The following JARID2 variants were observed in gnomAD, a reference collection of about 807,000 sequenced individuals.
JARID2 encodes the protein jumonji and AT-rich interaction domain containing 2, also known as protein Jumonji.
A neutral mutation model predicts 125.6 loss-of-function variants in JARID2; 21 were observed. That is an observed-to-expected ratio of 0.17 (90% confidence interval 0.12 to 0.24). JARID2 has a LOEUF of 0.24. Among genes scored for constraint, JARID2 ranks in the 10% least tolerant of loss-of-function variants. The pLI, the probability that JARID2 is intolerant of heterozygous loss-of-function variation, is 1.00. For synonymous variants in JARID2, 736 were observed against 661.6 expected, an observed-to-expected ratio of 1.11 and a Z score of -1.73; for missense variants, 1,303 against 1,639.6, an observed-to-expected ratio of 0.79 and a Z score of 3.55.
chr6:15,459,779 A>G (rs1224995690), intron 4 of JARID2, among the ~76,000 whole-genome samples: 1 of 152,204 alleles, frequency 6.6e-6, no homozygotes, highest in Non-Finnish European at 1.5e-5. Flanking sequence ...AGGATTTCTA[A>G]GTAGGGCAAA....
chr6:15,298,573 G>A (rs540439346), intron 1 of JARID2, among the ~76,000 whole-genome samples: 5 of 151,876 alleles, frequency 3.3e-5, no homozygotes, highest in South Asian at 2.1e-4. Context: ...CCAGCTACCC[G>A]GGAGGCTGAG....
At chr6:15,508,287 G>T in intron 11 of JARID2, 53 bp from the exon 12 acceptor site, 1 of 880,122 alleles carries the variant, frequency 1.1e-6, no homozygotes, top group South Asian at 1.3e-5. Context: ...CTGTTCCTTT[G>T]AGACCTTGTT....
chr6:15,428,655 TAGCACTTTGAG>T (rs1178060432), intron 3 of JARID2, among the ~76,000 whole-genome samples: 1 of 152,148 alleles, frequency 6.6e-6, no homozygotes. Flanking sequence ...CCTGTAATCC[TAGCACTTTGAG>T]AGGCCAAGAC....
At chr6:15,327,091 ACGG>A (rs747403973) in intron 1 of JARID2, among the ~76,000 whole-genome samples, 75 of 152,322 alleles carry the variant, frequency 4.9e-4, no homozygotes, top group Middle Eastern at 3.4e-3. Flanking sequence ...GACCTGAAAC[ACGG>A]CTGATGGGTT....
rs114763909 is a variant in JARID2, at chr6:15,507,309, C to T, written c.2661-37C>T. The T allele has an allele frequency of 2.0e-4, 318 of 1,607,750 alleles. No homozygotes were observed. In the African/African-American group the frequency reaches 3.0e-3, roughly 15 times the overall value. ...TGGGGATGTGACTGCATCCTTTCCCCGCCAGTTTGTAACGTCCCTCGTCTT... is the reference window on the plus strand; with the variant it reads ...TGGGGATGTGACTGCATCCTTTCCCTGCCAGTTTGTAACGTCCCTCGTCTT... On this transcript the variant is annotated intron_variant, in intron 10 of 17. Coordinates refer to ENST00000341776, the MANE Select transcript of JARID2 (RefSeq NM_004973.4).
intron 1 of JARID2, among the ~76,000 whole-genome samples, chr6:15,349,050 G>A (rs1415037471): frequency 1.3e-5 from 2 of 152,194 alleles, no homozygotes; most frequent in African/African-American, 4.8e-5. Flanking sequence ...TGTTTTCACT[G>A]AGATTCCTGA....
chr6:15,451,282 G>A (rs904341191), intron 3 of JARID2, among the ~76,000 whole-genome samples: 1 of 152,248 alleles, frequency 6.6e-6, no homozygotes, highest in Non-Finnish European at 1.5e-5. Context: ...AAGTTAGGGA[G>A]TTAGCATAGG....
intron 2 of JARID2, among the ~76,000 whole-genome samples, chr6:15,395,815 C>CTTTGTACAGGGTA (rs1765199909): frequency 6.6e-6 from 1 of 152,018 alleles, no homozygotes; most frequent in African/African-American, 2.4e-5. Flanking sequence ...CAGGTGTGCA[C>CTTTGTACAGGGTA]CACCATGCCT....
At chr6:15,313,351 G>A (rs1187499048) in intron 1 of JARID2, among the ~76,000 whole-genome samples, 1 of 152,220 alleles carries the variant, frequency 6.6e-6, no homozygotes, top group Non-Finnish European at 1.5e-5. Context: ...CTGAGAACCA[G>A]TGTTTGGAGG....
At chr6:15,470,186 A>AG (rs1241803362) in intron 5 of JARID2, among the ~76,000 whole-genome samples, 1 of 151,570 alleles carries the variant, frequency 6.6e-6, no homozygotes, top group Non-Finnish European at 1.5e-5. Flanking sequence ...CAAAAAAAAA[A>AG]AAAAAGTAGG....
intron 2 of JARID2, among the ~76,000 whole-genome samples, chr6:15,390,148 C>T (rs1274775466): frequency 1.3e-5 from 2 of 152,102 alleles, no homozygotes; most frequent in Non-Finnish European, 2.9e-5. Flanking sequence ...GAGGAACTTG[C>T]CTTTGATTTA....
At chr6:15,445,859 C>T (rs1195424986) in intron 3 of JARID2, among the ~76,000 whole-genome samples, 1 of 152,178 alleles carries the variant, frequency 6.6e-6, no homozygotes, top group Admixed American at 6.5e-5. Context: ...AGGCTGGTGC[C>T]TAGTTGGTAT....
At chr6:15,456,798 A>G (rs1363774678) in intron 4 of JARID2, among the ~76,000 whole-genome samples, 1 of 151,388 alleles carries the variant, frequency 6.6e-6, no homozygotes, top group Non-Finnish European at 1.5e-5. Flanking sequence ...GTGTGTACAA[A>G]GGTTACATAG....
At chr6:15,466,558 G>C (rs1768750296) in intron 4 of JARID2, among the ~76,000 whole-genome samples, 1 of 152,142 alleles carries the variant, frequency 6.6e-6, no homozygotes, top group Non-Finnish European at 1.5e-5. Context: ...AAAATAATTT[G>C]AATATTTTTT....
intron 1 of JARID2, among the ~76,000 whole-genome samples, chr6:15,290,706 C>G (rs568763621): frequency 6.6e-6 from 1 of 152,290 alleles, no homozygotes; most frequent in Non-Finnish European, 1.5e-5. Context: ...GCAAGCTCCA[C>G]CTCCCGGGTT....
chr6:15,428,939 C>A (rs1437885814), intron 3 of JARID2, among the ~76,000 whole-genome samples: 1 of 145,566 alleles, frequency 6.9e-6, no homozygotes, highest in African/African-American at 2.6e-5. Flanking sequence ...AACCCCCCCC[C>A]CAAAAAAAAA....
rs1353737608 is a variant in JARID2, at chr6:15,512,186, C to T, written c.2953-22C>T. The stretch of plus-strand genomic sequence containing the variant: ...TCCCTGCGCACAGGGAGGGGTGCCT[C>T]AGCCTGGCCCTGTCTCCCCAGATCT... On this transcript the variant is annotated intron_variant, in intron 13 of 17. Transcript: ENST00000341776. 3.1e-6 allele frequency: 5 copies of T among 1,607,552 alleles called. No homozygotes were observed. The South Asian group carries it at 5.5e-5, about 18-fold the overall frequency.
chr6:15,465,884 A>T (rs1251208050), intron 4 of JARID2, among the ~76,000 whole-genome samples: 1 of 151,736 alleles, frequency 6.6e-6, no homozygotes, highest in African/African-American at 2.4e-5. Flanking sequence ...GCTCACTGCA[A>T]CCTTCGCCTC....
At chr6:15,447,052 C>T (rs568580320) in intron 3 of JARID2, among the ~76,000 whole-genome samples, 5 of 152,328 alleles carry the variant, frequency 3.3e-5, no homozygotes, top group African/African-American at 1.2e-4. Context: ...TTTCCCCAAA[C>T]AGCAGCTCGT....
Sources: gnomAD v4.1 joint callset for allele counts (sites outside exome capture counted in the v4.1 genomes callset) on GRCh38, gnomAD v4.1.1 for gene constraint, MANE v1.5 for transcripts, NCBI Gene and HGNC (gene_info 2026-07-23, HGNC 2026-07-21) for gene names.